Variants in EPHA4 observed in about 807,000 individuals in gnomAD.
EPHA4 encodes the protein ephrin type-A receptor 4.
Under a neutral mutation model 108.3 loss-of-function variants are expected in EPHA4, and 19 were observed. The ratio of observed to expected loss-of-function variants is 0.18; its 90% CI spans 0.12 to 0.26. The LOEUF (loss-of-function observed/expected upper bound fraction) is 0.26. EPHA4 is among the 10% of genes least tolerant of loss of function. The pLI, the probability that EPHA4 is intolerant of heterozygous loss-of-function variation, is 1.00. For synonymous variants in EPHA4, 449 were observed against 455.5 expected (o/e 0.99, Z 0.18); for missense variants, 917 against 1,254.0 (o/e 0.73, Z 4.06).
rs1691517746 is a variant in EPHA4, at chr2:221,472,454, A to G, written c.1318+9898T>C. Reference sequence around the variant, plus strand: ...TGGATGGATCTTACCCAAGCTTGGAACACACTGTGAGTCTATTGGTGGCAG... The same window carrying G: ...TGGATGGATCTTACCCAAGCTTGGAGCACACTGTGAGTCTATTGGTGGCAG... On this transcript the variant is annotated intron_variant, in intron 5 of 17. Transcript: ENST00000281821. Among the ~76,000 whole-genome samples the G allele has an allele frequency of 2.0e-5, 3 of 152,236 alleles. No homozygotes were observed. The South Asian group carries it at 6.2e-4, about 32-fold the overall frequency.
chr2:221,546,821 T>G (rs1185085252), intron 3 of EPHA4, among the ~76,000 whole-genome samples: 5 of 152,238 alleles, frequency 3.3e-5, no homozygotes, highest in Non-Finnish European at 7.3e-5. Context: ...ACATCGTGTT[T>G]CATATGTGAA....
chr2:221,474,202 T>C (rs1392408013), intron 5 of EPHA4, among the ~76,000 whole-genome samples: 1 of 152,192 alleles, frequency 6.6e-6, no homozygotes, highest in African/African-American at 2.4e-5. Flanking sequence ...GGCTTTTATT[T>C]TTTTTTCTCC....
At chr2:221,564,439 T>G (rs554204382) in intron 2 of EPHA4, 45 bp from the exon 3 acceptor site, 2 of 1,553,928 alleles carry the variant, frequency 1.3e-6, no homozygotes, top group Admixed American at 1.9e-5. Context: ...AGTTTCATCA[T>G]GCAGTGATTT....
At chr2:221,493,880 C>G (rs1374267312) in intron 4 of EPHA4, among the ~76,000 whole-genome samples, 1 of 152,136 alleles carries the variant, frequency 6.6e-6, no homozygotes, top group Non-Finnish European at 1.5e-5. Flanking sequence ...GAAATCTGCC[C>G]TCATTAGCTC....
At chr2:221,420,798 T>C (rs1236252555) in intron 17 of EPHA4, among the ~76,000 whole-genome samples, 3 of 152,138 alleles carry the variant, frequency 2.0e-5, no homozygotes, top group African/African-American at 7.2e-5. Flanking sequence ...TTATCTCCAT[T>C]ATATGGATGA....
At chr2:221,423,288 T>A (rs1288036576) in intron 17 of EPHA4, among the ~76,000 whole-genome samples, 1 of 152,238 alleles carries the variant, frequency 6.6e-6, no homozygotes, top group Non-Finnish European at 1.5e-5. Context: ...AATTTCCCAG[T>A]GTCAACATTT....
intron 3 of EPHA4, among the ~76,000 whole-genome samples, chr2:221,501,526 A>G (rs960413544): frequency 2.0e-5 from 3 of 152,172 alleles, no homozygotes; most frequent in African/African-American, 7.2e-5. Context: ...TTCGACAGGC[A>G]TTATCTCTAC....
At chr2:221,558,278 CTG>C (rs948260059) in intron 3 of EPHA4, among the ~76,000 whole-genome samples, 4 of 151,928 alleles carry the variant, frequency 2.6e-5, no homozygotes, top group East Asian at 1.9e-4. Context: ...CTTTTGAAAA[CTG>C]TGTGTGTGTA....
chr2:221,567,011 A>AGAAGAAGAAGAAGAAGAAGAAGAAGAAG (rs879798570), intron 2 of EPHA4, among the ~76,000 whole-genome samples: 35 of 118,128 alleles, frequency 3.0e-4, no homozygotes, highest in East Asian at 8.0e-4. Flanking sequence ...AAGAAGAAGA[A>AGAAGAAGAAGAAGAAGAAGAAGAAGAAG]AAAAATGTCT....
chr2:221,498,988 G>A (rs953296055), intron 4 of EPHA4, among the ~76,000 whole-genome samples: 2 of 150,998 alleles, frequency 1.3e-5, no homozygotes, highest in East Asian at 3.9e-4. Flanking sequence ...ACGGAGTTTT[G>A]CTATGTTGCC....
At chr2:221,520,185 T>C (rs754478330) in intron 3 of EPHA4, among the ~76,000 whole-genome samples, 2 of 152,128 alleles carry the variant, frequency 1.3e-5, no homozygotes, top group Non-Finnish European at 1.5e-5. Flanking sequence ...AAGCCTCTCA[T>C]AGCCAGCCCC....
At chr2:221,505,621 G>A (rs950710453) in intron 3 of EPHA4, among the ~76,000 whole-genome samples, 1 of 152,102 alleles carries the variant, frequency 6.6e-6, no homozygotes, top group Non-Finnish European at 1.5e-5. Flanking sequence ...ATCACACCTG[G>A]GCTAAAATTT....
intron 8 of EPHA4, among the ~76,000 whole-genome samples, chr2:221,447,445 AC>A (rs1254378029): frequency 6.6e-6 from 1 of 152,072 alleles, no homozygotes; most frequent in Non-Finnish European, 1.5e-5. Context: ...ATAACAGAGA[AC>A]CTAAAGGAGC....
intron 3 of EPHA4, among the ~76,000 whole-genome samples, chr2:221,536,222 CT>C (rs1236473723): frequency 2.0e-5 from 3 of 152,188 alleles, no homozygotes; most frequent in Admixed American, 6.5e-5. Context: ...GATGAGGAAA[CT>C]AATGTGGCAG....
At chr2:221,507,108 A>G (rs964391303) in intron 3 of EPHA4, among the ~76,000 whole-genome samples, 5 of 152,196 alleles carry the variant, frequency 3.3e-5, no homozygotes, top group Non-Finnish European at 1.5e-5. Flanking sequence ...CCAACCAGTG[A>G]TCTTGTAGGA....
intron 3 of EPHA4, among the ~76,000 whole-genome samples, chr2:221,554,634 A>G (rs560348890): frequency 6.6e-6 from 1 of 152,308 alleles, no homozygotes; most frequent in African/African-American, 2.4e-5. Flanking sequence ...TGAATCCACA[A>G]ATATAATAAG....
At chr2:221,445,559 C>T (rs1159097532) in intron 9 of EPHA4, among the ~76,000 whole-genome samples, 3 of 147,220 alleles carry the variant, frequency 2.0e-5, no homozygotes, top group Non-Finnish European at 3.0e-5. Flanking sequence ...CAGTGCACTC[C>T]AGCCTGGCCG....
intron 14 of EPHA4, among the ~76,000 whole-genome samples, chr2:221,430,934 A>T (rs931690163): frequency 6.6e-6 from 1 of 152,222 alleles, no homozygotes; most frequent in Admixed American, 6.5e-5. Context: ...GAGTGCCCAG[A>T]GTGGTCTCCT....
chr2:221,462,983 T>C (rs1403767483), intron 5 of EPHA4, among the ~76,000 whole-genome samples: 1 of 152,180 alleles, frequency 6.6e-6, no homozygotes, highest in Non-Finnish European at 1.5e-5. Flanking sequence ...TCCCAAGTCA[T>C]AATGATAAAT....
Sources: gnomAD v4.1 joint callset for allele counts (sites outside exome capture counted in the v4.1 genomes callset) on GRCh38, gnomAD v4.1.1 for gene constraint, MANE v1.5 for transcripts, NCBI Gene and HGNC (gene_info 2026-07-23, HGNC 2026-07-21) for gene names.